The following ANGPTL5 variants were observed in gnomAD, a reference collection of about 807,000 sequenced individuals.
ANGPTL5 encodes the protein angiopoietin-related protein 5.
In ANGPTL5, 34 loss-of-function variants were observed where a neutral mutation model predicts 39.4. The ratio of observed to expected loss-of-function variants is 0.86; its 90% CI spans 0.66 to 1.15. The LOEUF (loss-of-function observed/expected upper bound fraction) is 1.15. Among genes scored for constraint, ANGPTL5 ranks in the 50% most tolerant of loss-of-function variants. The pLI is 0.00. For missense variants in ANGPTL5, 467 were observed against 457.5 expected (o/e 1.02, Z -0.19); for synonymous variants, 146 against 152.1 (o/e 0.96, Z 0.29).
chr11:101,901,008 C>G (rs1939886315), intron 6 of ANGPTL5, among the ~76,000 whole-genome samples: 1 of 144,056 alleles, frequency 6.9e-6, no homozygotes, highest in Admixed American at 7.1e-5. Context: ...CCCGCTAGCA[C>G]CCCCGGCTTT....
intron 6 of ANGPTL5, among the ~76,000 whole-genome samples, chr11:101,900,888 G>C (rs924717006): frequency 2.0e-5 from 3 of 149,756 alleles, no homozygotes; most frequent in Non-Finnish European, 3.0e-5. Flanking sequence ...ATCTCCCTCT[G>C]TCGCCCAGGC....
chr11:101,906,771 C>T (rs901640978), intron 3 of ANGPTL5, among the ~76,000 whole-genome samples: 1 of 152,080 alleles, frequency 6.6e-6, no homozygotes, highest in Non-Finnish European at 1.5e-5. Context: ...CACTCTGCTT[C>T]CTCTCTCTTT....
Position 101,901,722 on chromosome 11 carries a change from T to G in ANGPTL5, c.540+899A>C, listed in dbSNP as rs189833969. On this transcript the variant is annotated intron_variant, in intron 6 of 8. Coordinates refer to ENST00000334289, the MANE Select transcript of ANGPTL5 (RefSeq NM_178127.5). Reference sequence around the variant, plus strand: ...TCTGTAGGTGAAGTAACTTAGGTAATTTTAAAATTATTTCCCACCTAATTT... The same window carrying G: ...TCTGTAGGTGAAGTAACTTAGGTAAGTTTAAAATTATTTCCCACCTAATTT... Among the ~76,000 whole-genome samples, 22 of 152,264 alleles carry G rather than the reference T, an allele frequency of 1.4e-4. No individual in the cohort carries two copies. The East Asian group carries it at 3.5e-3, about 24-fold the overall frequency.
At chr11:101,912,723 C>T (rs558833775) in intron 1 of ANGPTL5, among the ~76,000 whole-genome samples, 2 of 152,084 alleles carry the variant, frequency 1.3e-5, no homozygotes, top group South Asian at 2.1e-4. Flanking sequence ...CTGAATAGAC[C>T]CCCTCTTGGC....
chr11:101,901,636 T>C (rs1037958690), intron 6 of ANGPTL5, among the ~76,000 whole-genome samples: 2 of 152,260 alleles, frequency 1.3e-5, no homozygotes, highest in Non-Finnish European at 2.9e-5. Context: ...TGATTATGCA[T>C]CCCACTCTTC....
intron 6 of ANGPTL5, among the ~76,000 whole-genome samples, chr11:101,902,021 T>C (rs1044155834): frequency 2.0e-5 from 3 of 151,996 alleles, no homozygotes; most frequent in Admixed American, 1.3e-4. Context: ...TAGAAATTTC[T>C]ACTAGATATC....
At position 101,900,481 on chromosome 11, in the gene ANGPTL5, C is replaced by G. The variant is rs1276454676; in HGVS notation, c.610G>C (p.Asp204His). Residue 204 changes from aspartate (D) to histidine (H), a missense_variant, in exon 7 of 9, where the codon GAT becomes CAT. Physicochemically the swap from Asp to His is moderately conservative, Grantham distance 81. Transcript: ENST00000334289. ...TAATCACACCACAACCTCTGGAAAT[C>G]AATTATCCCATCAATTCTTTTCTGT... Reference protein sequence around the residue: ...VIQKRIDGIIDFQRLWCDYLD... With the variant: ...VIQKRIDGIIHFQRLWCDYLD... 1.2e-6 allele frequency: 2 copies of G among 1,613,282 alleles called. No homozygotes were observed. Among genetic ancestry groups the G allele is most frequent in the African/African-American group, 2.7e-5 (2 of 74,912 alleles).
At chr11:101,915,910 C>T (rs1218758461) in intron 1 of ANGPTL5, 109 bp downstream of exon 1, 1 of 152,352 alleles carries the variant, frequency 6.6e-6, no homozygotes, top group Non-Finnish European at 1.5e-5. Flanking sequence ...TCCATCTCTG[C>T]CCAGTCTGTT....
At chr11:101,915,035 C>G (rs1056382134) in intron 1 of ANGPTL5, 1 of 439,820 alleles carries the variant, frequency 2.3e-6, no homozygotes, top group South Asian at 5.7e-5. Flanking sequence ...GTCAAGATGG[C>G]GGCTGCAGGG....
At chr11:101,900,367 G>C in intron 7 of ANGPTL5, 63 bp downstream of exon 7, 1 of 1,520,948 alleles carries the variant, frequency 6.6e-7, no homozygotes, top group Non-Finnish European at 9.1e-7. Flanking sequence ...GACCAATAGA[G>C]GCTCTATAGA....
chr11:101,911,349 C>T (rs1450194050), intron 1 of ANGPTL5, among the ~76,000 whole-genome samples: 6 of 152,064 alleles, frequency 3.9e-5, no homozygotes, highest in Admixed American at 3.9e-4. Flanking sequence ...GTCTCAAACT[C>T]CTGACTTCAG....
At chr11:101,909,257 A>G (rs980263643) in intron 1 of ANGPTL5, among the ~76,000 whole-genome samples, 1 of 152,240 alleles carries the variant, frequency 6.6e-6, no homozygotes, top group African/African-American at 2.4e-5. Context: ...TATTTGTGGC[A>G]ATCACTTTCT....
intron 8 of ANGPTL5, among the ~76,000 whole-genome samples, chr11:101,892,502 A>C (rs1939720810): frequency 6.6e-6 from 1 of 152,154 alleles, no homozygotes; most frequent in Non-Finnish European, 1.5e-5. Flanking sequence ...AAGTGCTAGG[A>C]TTACAGGCGT....
chr11:101,890,949 C>T lies in ANGPTL5; in HGVS notation c.*330G>A. 1 of 184,366 alleles carries T rather than the reference C, an allele frequency of 5.4e-6. No homozygotes were observed. The highest frequency in any genetic ancestry group is 1.2e-4 in the South Asian group (1 of 8,304). 11.4% of individuals were successfully genotyped at this position (184,366 alleles called of 1,614,324 possible). A position where few individuals can be genotyped will look rare whatever the true frequency, so the allele number is the denominator to read the frequency against. ...AAGTAAAATATTCCCTTCAATTTTCCTTACAACATATTATGGTTTAAAAAT... is the reference window on the plus strand; with the variant it reads ...AAGTAAAATATTCCCTTCAATTTTCTTTACAACATATTATGGTTTAAAAAT... On this transcript the variant is annotated 3_prime_UTR_variant, in exon 9 of 9. Transcript: ENST00000334289.
intron 7 of ANGPTL5, among the ~76,000 whole-genome samples, chr11:101,899,303 T>G (rs1939853257): frequency 6.6e-6 from 1 of 152,226 alleles, no homozygotes; most frequent in African/African-American, 2.4e-5. Context: ...TTTCAACATG[T>G]TGGCCAGCCT....
intron 1 of ANGPTL5, chr11:101,915,029 A>G (rs1487505077): frequency 2.3e-6 from 1 of 430,522 alleles, no homozygotes; most frequent in Non-Finnish European, 4.1e-6. Flanking sequence ...GTTGTTGTCA[A>G]GATGGCGGCT....
intron 1 of ANGPTL5, among the ~76,000 whole-genome samples, chr11:101,909,866 A>G (rs533127543): frequency 1.3e-5 from 2 of 152,186 alleles, no homozygotes; most frequent in Non-Finnish European, 2.9e-5. Flanking sequence ...TTAGGAGTAT[A>G]TTTTTTGTAA....
intron 1 of ANGPTL5, chr11:101,915,389 G>T (rs1473005365): frequency 1.9e-6 from 3 of 1,613,486 alleles, no homozygotes; most frequent in Non-Finnish European, 2.5e-6. Context: ...AGAGCGGCGG[G>T]CATCACCGAC....
intron 1 of ANGPTL5, among the ~76,000 whole-genome samples, chr11:101,908,671 T>C (rs1319681044): frequency 1.3e-5 from 2 of 149,894 alleles, no homozygotes; most frequent in Non-Finnish European, 2.9e-5. Flanking sequence ...TCCCAGCTGC[T>C]AGGGAGGCTG....
Sources: allele counts gnomAD v4.1 joint callset (sites outside exome capture counted in the v4.1 genomes callset), GRCh38; gene constraint gnomAD v4.1.1; transcripts MANE v1.5; gene names NCBI Gene and HGNC (gene_info 2026-07-23, HGNC 2026-07-21).